SLC15A5: variants seen among roughly 807,000 people sequenced by gnomAD.
SLC15A5 encodes the protein solute carrier family 15 member 5.
In SLC15A5, 58 loss-of-function variants were observed where a neutral mutation model predicts 56.1. That is an observed-to-expected ratio of 1.03 (90% CI 0.84 to 1.29). The LOEUF (loss-of-function observed/expected upper bound fraction) is 1.29. Ranked by LOEUF, SLC15A5 falls within the 50% of genes most tolerant of loss-of-function variation. The probability of loss-of-function intolerance (pLI) is 0.00; values close to 1 mark genes in which losing one functional copy is unlikely to be tolerated. For synonymous variants in SLC15A5, 264 were observed against 250.5 expected (o/e 1.05, Z -0.51); for missense variants, 681 against 672.1 (o/e 1.01, Z -0.15).
chr12:16,258,394 C>T, intron 2 of SLC15A5, among the ~76,000 whole-genome samples: 3 of 152,230 alleles, frequency 2.0e-5, no homozygotes, highest in Middle Eastern at 6.8e-3. Context: ...TTGAATAAAA[C>T]TTTCCATTTT....
At chr12:16,256,271 A>G (rs1022656124) in intron 3 of SLC15A5, among the ~76,000 whole-genome samples, 12 of 152,220 alleles carry the variant, frequency 7.9e-5, no homozygotes, top group Admixed American at 3.9e-4. Context: ...TTCAGCTAGT[A>G]AAAGAGGAAG....
At chr12:16,264,231 A>C (rs1261653747) in intron 2 of SLC15A5, among the ~76,000 whole-genome samples, 1 of 152,178 alleles carries the variant, frequency 6.6e-6, no homozygotes, top group Non-Finnish European at 1.5e-5. Flanking sequence ...AGCATGACCT[A>C]AATGTGAGAC....
chr12:16,211,840 C>G (rs1246767199), intron 7 of SLC15A5, among the ~76,000 whole-genome samples: 5 of 152,198 alleles, frequency 3.3e-5, no homozygotes, highest in African/African-American at 1.2e-4. Flanking sequence ...CTGAAAATGT[C>G]ACTCTAACAG....
intron 5 of SLC15A5, among the ~76,000 whole-genome samples, chr12:16,229,123 G>A (rs1231397526): frequency 3.9e-5 from 6 of 152,258 alleles, no homozygotes; most frequent in Admixed American, 3.9e-4. Flanking sequence ...AACCTATTAA[G>A]CACCCAGCAG....
chr12:16,251,352 A>G (rs1042198574), intron 3 of SLC15A5, among the ~76,000 whole-genome samples: 20 of 151,820 alleles, frequency 1.3e-4, no homozygotes, highest in Non-Finnish European at 2.4e-4. Flanking sequence ...GCAGAGATAA[A>G]CAAAATAGAG....
chr12:16,205,590 T>TATAC lies in SLC15A5; in HGVS notation c.1484-11138_1484-11137insGTAT, dbSNP rs775209178. On this transcript the variant is annotated intron_variant, in intron 7 of 8. Coordinates refer to ENST00000344941, the MANE Select transcript of SLC15A5 (RefSeq NM_001170798.1). ...AAGAAGGGAAAGGTGCATATATATA[T>TATAC]ACATATACACACACACACACATATA... 3.1e-3 allele frequency among the ~76,000 whole-genome samples: 179 copies of TATAC among 57,132 alleles called. 1 individual carries two copies. Among genetic ancestry groups the TATAC allele is most frequent in the African/African-American group, 0.012 (174 of 15,098 alleles). The allele number at this position is 57,132 out of a possible 152,430, so 37.5% of individuals were successfully genotyped here. A position where few individuals can be genotyped will look rare whatever the true frequency, so the allele number is the denominator to read the frequency against.
At chr12:16,234,171 A>C (rs1864325570) in intron 5 of SLC15A5, among the ~76,000 whole-genome samples, 1 of 152,146 alleles carries the variant, frequency 6.6e-6, no homozygotes, top group Non-Finnish European at 1.5e-5. Context: ...AGAAGAGCAA[A>C]TGAAATGAAT....
intron 7 of SLC15A5, among the ~76,000 whole-genome samples, chr12:16,202,442 A>G (rs952945357): frequency 1.3e-5 from 2 of 152,178 alleles, no homozygotes; most frequent in African/African-American, 4.8e-5. Flanking sequence ...AAGATGAAAG[A>G]TAAGTGTTGA....
rs1863892489 is a variant in SLC15A5 at position 16,196,111 on chromosome 12, C to T, written c.1484-1658G>A. Among the ~76,000 whole-genome samples, 1 of 152,002 alleles carries T rather than the reference C, an allele frequency of 6.6e-6. No individual in the cohort carries two copies. The highest frequency in any genetic ancestry group is 1.9e-4 in the East Asian group (1 of 5,172). The stretch of plus-strand genomic sequence containing the variant: ...ATCCTTATATTTTCAGTATTTAGAT[C>T]AGTGCCTGACAAATAGGGATTATTT... On this transcript the variant is annotated intron_variant, in intron 7 of 8. Coordinates refer to ENST00000344941, the MANE Select transcript of SLC15A5 (RefSeq NM_001170798.1). The surrounding 1 kb of genome is among the most constrained non-coding windows in gnomAD (Gnocchi z 4.0).
chr12:16,211,144 G>A (rs1864076226), intron 7 of SLC15A5, among the ~76,000 whole-genome samples: 2 of 152,284 alleles, frequency 1.3e-5, no homozygotes, highest in South Asian at 4.1e-4. Context: ...TATGAAGTTG[G>A]ACCCGAGGCA....
chr12:16,232,231 A>T (rs1186408050), intron 5 of SLC15A5, among the ~76,000 whole-genome samples: 1 of 152,178 alleles, frequency 6.6e-6, no homozygotes, highest in South Asian at 2.1e-4. Context: ...GAAATACAAA[A>T]CTCAGCAGAA....
intron 2 of SLC15A5, among the ~76,000 whole-genome samples, chr12:16,262,191 G>C (rs1864649003): frequency 6.6e-6 from 1 of 152,194 alleles, no homozygotes; most frequent in South Asian, 2.1e-4. Context: ...TCCTGGTACA[G>C]GGCTAATTCG....
At chr12:16,228,622 CTCTG>C (rs1864266418) in intron 5 of SLC15A5, among the ~76,000 whole-genome samples, 2 of 152,178 alleles carry the variant, frequency 1.3e-5, no homozygotes, top group Non-Finnish European at 2.9e-5. Context: ...CTTCTACCAC[CTCTG>C]AGACAGCAAG....
rs770730270 is a variant in SLC15A5, at chr12:16,224,482, A to G, written c.1283T>C (p.Met428Thr). ...LSGKVLTVSS[M>T]PCFYLILQYV... ...CTGAAGAATCAGGTAGAAACAGGGC[A>G]TGGAGGAAACAGTGAGAACTTTTCC... The change falls in exon 6 of 9, where the codon ATG (methionine) becomes ACG (threonine). Residue 428 changes from methionine (M) to threonine (T), a missense_variant. Coordinates refer to ENST00000344941, the MANE Select transcript of SLC15A5 (RefSeq NM_001170798.1). 3 of 1,537,290 alleles carry G rather than the reference A, an allele frequency of 2.0e-6. No homozygotes were observed. Among genetic ancestry groups the G allele is most frequent in the Non-Finnish European group, 8.7e-7 (1 of 1,146,912 alleles).
Position 16,229,647 on chromosome 12 carries a change from T to C in SLC15A5, c.1163-5045A>G, listed in dbSNP as rs5796658. Among the ~76,000 whole-genome samples, 122 of 144,354 alleles carry C rather than the reference T, an allele frequency of 8.5e-4. 1 individual carries two copies. Among genetic ancestry groups the C allele is most frequent in the South Asian group, 2.0e-3 (9 of 4,414 alleles). 94.7% of individuals were successfully genotyped at this position (144,354 alleles called of 152,430 possible). A position where few individuals can be genotyped will look rare whatever the true frequency, so the allele number is the denominator to read the frequency against. On this transcript the variant is annotated intron_variant, in intron 5 of 8. Coordinates refer to ENST00000344941, the MANE Select transcript of SLC15A5 (RefSeq NM_001170798.1). Reference sequence around the variant, plus strand: ...GTTCAAAGTAAGCAACACACACACATACACACACACACACACACACACACA... The same window carrying C: ...GTTCAAAGTAAGCAACACACACACACACACACACACACACACACACACACA...
chr12:16,203,629 A>G lies in SLC15A5; in HGVS notation c.1484-9176T>C, dbSNP rs367555322. Among the ~76,000 whole-genome samples the G allele has an allele frequency of 3.8e-4, 58 of 152,178 alleles. 1 individual carries two copies. The East Asian group carries it at 4.4e-3, about 12-fold the overall frequency. ...TTATAATCCTACAAATATACTTAATAAAAAAATAAGATATCCTCATTAAGA... is the reference window on the plus strand; with the variant it reads ...TTATAATCCTACAAATATACTTAATGAAAAAATAAGATATCCTCATTAAGA... On this transcript the variant is annotated intron_variant, in intron 7 of 8. Transcript: ENST00000344941.
At chr12:16,234,525 C>G (rs1864328654) in intron 5 of SLC15A5, among the ~76,000 whole-genome samples, 1 of 152,082 alleles carries the variant, frequency 6.6e-6, no homozygotes, top group Admixed American at 6.5e-5. Flanking sequence ...GAGATAATAA[C>G]ACACCCAAAG....
intron 7 of SLC15A5, among the ~76,000 whole-genome samples, chr12:16,213,878 C>G (rs1233942081): frequency 6.6e-6 from 1 of 152,128 alleles, no homozygotes; most frequent in Non-Finnish European, 1.5e-5. Flanking sequence ...ACTTTTGTTT[C>G]TCTACCTTTG....
At chr12:16,215,080 G>A (rs1189352510) in intron 7 of SLC15A5, among the ~76,000 whole-genome samples, 1 of 152,036 alleles carries the variant, frequency 6.6e-6, no homozygotes, top group African/African-American at 2.4e-5. Context: ...GTGTGCACCT[G>A]TAGTACCAGC....
Sources: gnomAD v4.1 joint callset for allele counts (sites outside exome capture counted in the v4.1 genomes callset) on GRCh38, gnomAD v4.1.1 for gene constraint, Gnocchi (gnomAD v3.1) non-coding constraint, MANE v1.5 for transcripts, NCBI Gene and HGNC (gene_info 2026-07-23, HGNC 2026-07-21) for gene names.